Variants in ZNF407 observed in about 807,000 individuals in gnomAD.
ZNF407 encodes the protein zinc finger protein 407.
ZNF407 carries 17 observed loss-of-function variants against 131.2 expected under a neutral mutation model. The observed-to-expected ratio is 0.13, with a 90% CI of 0.09 to 0.19. The LOEUF is 0.19. ZNF407 is among the 10% of genes least tolerant of loss of function. The probability of loss-of-function intolerance (pLI) is 1.00; values close to 1 mark genes in which losing one functional copy is unlikely to be tolerated. For missense variants in ZNF407, 2,681 were observed against 2,830.6 expected (o/e 0.95, Z 1.20); for synonymous variants, 1,156 against 1,062.0 (o/e 1.09, Z -1.72).
Position 74,979,203 on chromosome 18 carries a change from A to G in ZNF407, c.5428+58511A>G, listed in dbSNP as rs75924699. On this transcript the variant is annotated intron_variant, in intron 8 of 8. Coordinates refer to ENST00000299687, the MANE Select transcript of ZNF407 (RefSeq NM_017757.3). ...CTCTGTAGAGTCTACTTGGTGCAAT[A>G]GCTTCGTGGCCCTTATACATTGTGA... is the stretch of plus-strand genomic sequence containing the variant. Among the ~76,000 whole-genome samples, 1,047 of 152,248 alleles carry G rather than the reference A, an allele frequency of 6.9e-3. 15 individuals carry two copies. The highest frequency in any genetic ancestry group is 0.022 in the African/African-American group (903 of 41,518).
intron 8 of ZNF407, among the ~76,000 whole-genome samples, chr18:75,034,261 T>TATACCAAA (rs1973278982): frequency 6.6e-6 from 1 of 151,846 alleles, no homozygotes; most frequent in Admixed American, 6.6e-5. Context: ...GTCTTTGATC[T>TATACCAAA]ATACCAAAAT....
At chr18:74,822,650 C>G (rs1018729834) in intron 4 of ZNF407, among the ~76,000 whole-genome samples, 3 of 152,136 alleles carry the variant, frequency 2.0e-5, no homozygotes, top group African/African-American at 7.2e-5. Context: ...CAGTACCATG[C>G]TATTTTGGTT....
At chr18:74,859,112 G>A (rs1456958918) in intron 4 of ZNF407, among the ~76,000 whole-genome samples, 2 of 152,198 alleles carry the variant, frequency 1.3e-5, no homozygotes, top group African/African-American at 4.8e-5. Context: ...CAATAATGCT[G>A]ATATTTCTGA....
intron 3 of ZNF407, among the ~76,000 whole-genome samples, chr18:74,711,190 T>G (rs929560990): frequency 6.6e-6 from 1 of 152,214 alleles, no homozygotes; most frequent in Non-Finnish European, 1.5e-5. Flanking sequence ...TGTCCAGTTT[T>G]AATCTTGGTT....
chr18:74,686,512 C>G (rs761152506), intron 3 of ZNF407, among the ~76,000 whole-genome samples: 2 of 152,134 alleles, frequency 1.3e-5, no homozygotes, highest in Admixed American at 1.3e-4. Context: ...CTCCTCTGTT[C>G]GCTCCCTGAT....
At position 74,630,986 on chromosome 18, in the gene ZNF407, C is replaced by A; in HGVS notation, c.-34C>A. 6.4e-7 allele frequency: 1 copy of A among 1,552,224 alleles called. No individual in the cohort carries two copies. On this transcript the variant is annotated 5_prime_UTR_variant, in exon 2 of 9. Transcript: ENST00000299687. ...TCACAGGTTATGAGTGCCAGTGAGC[C>A]GCCTTAGATAGAAGCATCGTCAGCA... is the stretch of plus-strand genomic sequence containing the variant.
At chr18:74,668,984 T>C (rs1356643534) in intron 3 of ZNF407, among the ~76,000 whole-genome samples, 1 of 152,000 alleles carries the variant, frequency 6.6e-6, no homozygotes, top group African/African-American at 2.4e-5. Context: ...CATGATCTTA[T>C]TCCATGCTTG....
Position 74,746,423 on chromosome 18 carries a change from T to A in ZNF407, c.4803-35005T>A, listed in dbSNP as rs1252411628. On this transcript the variant is annotated intron_variant, in intron 3 of 8. Coordinates refer to ENST00000299687, the MANE Select transcript of ZNF407 (RefSeq NM_017757.3). ...ACTGCAAGTTTTTCACTTTATGAAC[T>A]ATTTTTTAAAGTTTTTGACTCCTTT... 6.6e-5 allele frequency among the ~76,000 whole-genome samples: 10 copies of A among 152,320 alleles called. No individual in the cohort carries two copies. The East Asian group carries it at 1.9e-3, about 29-fold the overall frequency.
chr18:74,725,042 CTG>C (rs1183465387), intron 3 of ZNF407, among the ~76,000 whole-genome samples: 1 of 152,212 alleles, frequency 6.6e-6, no homozygotes, highest in Non-Finnish European at 1.5e-5. Context: ...TTTTGATTAA[CTG>C]TTTATGTCAC....
chr18:74,713,061 A>G (rs933177658), intron 3 of ZNF407, among the ~76,000 whole-genome samples: 1 of 152,288 alleles, frequency 6.6e-6, no homozygotes, highest in East Asian at 1.9e-4. Flanking sequence ...TTTGTTAGAT[A>G]CTTGGCCTTA....
intron 4 of ZNF407, among the ~76,000 whole-genome samples, chr18:74,842,748 G>T (rs936753626): frequency 2.0e-5 from 3 of 151,992 alleles, no homozygotes; most frequent in African/African-American, 7.3e-5. Context: ...TTTTGAGACA[G>T]AATATCGCTC....
At chr18:74,688,247 C>T (rs905406563) in intron 3 of ZNF407, among the ~76,000 whole-genome samples, 1 of 152,084 alleles carries the variant, frequency 6.6e-6, no homozygotes, top group Admixed American at 6.5e-5. Flanking sequence ...TTACACGTTG[C>T]AAGGTTGAAT....
At chr18:75,030,352 A>T (rs142381974) in intron 8 of ZNF407, among the ~76,000 whole-genome samples, 2 of 152,236 alleles carry the variant, frequency 1.3e-5, no homozygotes, top group African/African-American at 4.8e-5. Flanking sequence ...ATATCTCCAT[A>T]AATCACACTG....
intron 3 of ZNF407, among the ~76,000 whole-genome samples, chr18:74,679,044 TGG>T (rs897412904): frequency 6.6e-6 from 1 of 151,390 alleles, no homozygotes; most frequent in African/African-American, 2.4e-5. Flanking sequence ...GAGTAGGAGA[TGG>T]GGAAATAATC....
chr18:74,923,368 T>C (rs1971871868), intron 8 of ZNF407, among the ~76,000 whole-genome samples: 1 of 152,092 alleles, frequency 6.6e-6, no homozygotes, highest in Admixed American at 6.5e-5. Flanking sequence ...AATTTACTGT[T>C]TTTACAGAAT....
chr18:74,759,958 C>CTG (rs1392940726), intron 3 of ZNF407, among the ~76,000 whole-genome samples: 1 of 150,922 alleles, frequency 6.6e-6, no homozygotes, highest in African/African-American at 2.4e-5. Flanking sequence ...GTCTCTCTCT[C>CTG]TCTCTCTCTC....
chr18:74,602,333 CTTT>C (rs1412155673), intron 1 of ZNF407, among the ~76,000 whole-genome samples: 1 of 152,180 alleles, frequency 6.6e-6, no homozygotes, highest in Admixed American at 6.5e-5. Context: ...ACATTGTCTT[CTTT>C]AAGTGTCATT....
chr18:74,791,969 C>A (rs1969833786), intron 4 of ZNF407, among the ~76,000 whole-genome samples: 1 of 152,152 alleles, frequency 6.6e-6, no homozygotes, highest in African/African-American at 2.4e-5. Flanking sequence ...AGTAGTATTG[C>A]ACGTCGCATA....
intron 3 of ZNF407, among the ~76,000 whole-genome samples, chr18:74,773,386 G>T (rs1385278126): frequency 7.1e-6 from 1 of 140,020 alleles, no homozygotes; most frequent in African/African-American, 3.1e-5. Context: ...GCTTAAAGAA[G>T]AAATTGACAA....
Sources: allele counts gnomAD v4.1 joint callset (sites outside exome capture counted in the v4.1 genomes callset), GRCh38; gene constraint gnomAD v4.1.1; transcripts MANE v1.5; gene names NCBI Gene and HGNC (gene_info 2026-07-23, HGNC 2026-07-21).